EFNA5: variants seen among roughly 807,000 people sequenced by gnomAD.
EFNA5 encodes ephrin-A5.
Under a neutral mutation model 22.9 loss-of-function variants are expected in EFNA5, and 5 were observed. The ratio of observed to expected loss-of-function variants is 0.22; its 90% CI spans 0.11 to 0.46. The LOEUF (loss-of-function observed/expected upper bound fraction) is 0.46, where lower values mean the gene tolerates loss of function less well. Ranked by LOEUF, EFNA5 falls within the 20% of genes least tolerant of loss-of-function variation. EFNA5 has a pLI of 0.99. For synonymous variants in EFNA5, 113 were observed against 112.2 expected (o/e 1.01, Z -0.04); for missense variants, 237 against 293.3 (o/e 0.81, Z 1.40).
At chr5:107,470,294 G>C (rs1225952523) in intron 1 of EFNA5, among the ~76,000 whole-genome samples, 1 of 152,180 alleles carries the variant, frequency 6.6e-6, no homozygotes, top group Non-Finnish European at 1.5e-5. Context: ...GATCCTGATA[G>C]GGCTTATCTG....
chr5:107,600,420 A>G (rs1247370314), intron 1 of EFNA5, among the ~76,000 whole-genome samples: 1 of 152,130 alleles, frequency 6.6e-6, no homozygotes, highest in Non-Finnish European at 1.5e-5. Flanking sequence ...TTACAACCTA[A>G]TATACTGTGG....
chr5:107,594,943 G>A (rs368127012), intron 1 of EFNA5, among the ~76,000 whole-genome samples: 20 of 152,268 alleles, frequency 1.3e-4, no homozygotes, highest in African/African-American at 4.6e-4. Flanking sequence ...CTAAGTGGGT[G>A]TGCCACTTTT....
intron 1 of EFNA5, among the ~76,000 whole-genome samples, chr5:107,635,954 T>G (rs1750365032): frequency 6.6e-6 from 1 of 152,206 alleles, no homozygotes; most frequent in Non-Finnish European, 1.5e-5. Context: ...AAAATATTAT[T>G]AAAGCATCAA....
chr5:107,653,211 C>T (rs976993270), intron 1 of EFNA5, among the ~76,000 whole-genome samples: 1 of 152,104 alleles, frequency 6.6e-6, no homozygotes, highest in Non-Finnish European at 1.5e-5. Flanking sequence ...AAAGGTTTCA[C>T]TCAGAAATGG....
At chr5:107,648,132 CTTACT>C (rs556442998) in intron 1 of EFNA5, among the ~76,000 whole-genome samples, 268 of 152,236 alleles carry the variant, frequency 1.8e-3, no homozygotes, top group African/African-American at 6.2e-3. Context: ...CATCTTGGAA[CTTACT>C]TTAAAGAACC....
chr5:107,643,257 G>T (rs1750564349), intron 1 of EFNA5, among the ~76,000 whole-genome samples: 1 of 152,158 alleles, frequency 6.6e-6, no homozygotes, highest in South Asian at 2.1e-4. Context: ...TAGGGGTTCT[G>T]ATAAGCACTG....
In EFNA5 at chr5:107,661,148, A is replaced by G. The variant is rs1315084734; in HGVS notation, c.125+9341T>C. On this transcript the variant is annotated intron_variant, in intron 1 of 4. Coordinates refer to ENST00000333274, the MANE Select transcript of EFNA5 (RefSeq NM_001962.3). ...AAAAAAGAAGAAGAAGAAGAAGAAA[A>G]AAAAAGTATTAGCTAAATAAAGCAG... 3.3e-5 allele frequency among the ~76,000 whole-genome samples: 5 copies of G among 151,710 alleles called. No individual in the cohort carries two copies. The East Asian group carries it at 7.7e-4, about 23-fold the overall frequency.
chr5:107,554,243 C>G (rs1479018815), intron 1 of EFNA5, among the ~76,000 whole-genome samples: 1 of 152,058 alleles, frequency 6.6e-6, no homozygotes, highest in Non-Finnish European at 1.5e-5. Context: ...TACTTCAAGG[C>G]TAACAAATTA....
intron 4 of EFNA5, among the ~76,000 whole-genome samples, chr5:107,386,328 C>T (rs1016611735): frequency 1.3e-5 from 2 of 152,026 alleles, no homozygotes; most frequent in Admixed American, 6.6e-5. Flanking sequence ...AGGAAACACA[C>T]AGGGCCTCCA....
chr5:107,589,089 C>T (rs1035649459), intron 1 of EFNA5, among the ~76,000 whole-genome samples: 1 of 152,190 alleles, frequency 6.6e-6, no homozygotes, highest in African/African-American at 2.4e-5. Context: ...AGTCTAGAGA[C>T]TTGCCATTTC....
intron 1 of EFNA5, among the ~76,000 whole-genome samples, chr5:107,581,985 A>G (rs548078607): frequency 6.6e-6 from 1 of 152,334 alleles, no homozygotes; most frequent in African/African-American, 2.4e-5. Flanking sequence ...CTATCTCTAC[A>G]AAGAAAGGGA....
Position 107,670,645 on chromosome 5 carries a change from G to T in EFNA5, c.-32C>A. ...TGGCCAGCGGCGGAGCCCCCGACGC[G>T]CCACTCCGGGGAGAGAGCGGGGATC... On this transcript the variant is annotated 5_prime_UTR_variant, in exon 1 of 5. Coordinates refer to ENST00000333274, the MANE Select transcript of EFNA5 (RefSeq NM_001962.3). 6.3e-7 allele frequency: 1 copy of T among 1,593,302 alleles called. No individual in the cohort carries two copies. Among genetic ancestry groups the T allele is most frequent in the Non-Finnish European group, 8.5e-7 (1 of 1,170,666 alleles).
At chr5:107,562,359 T>C (rs1348566822) in intron 1 of EFNA5, among the ~76,000 whole-genome samples, 1 of 151,056 alleles carries the variant, frequency 6.6e-6, no homozygotes, top group Non-Finnish European at 1.5e-5. Context: ...TCTCTCTCCA[T>C]CTCTCTCTCT....
chr5:107,637,518 C>G (rs11242643), intron 1 of EFNA5, among the ~76,000 whole-genome samples: 89,693 of 142,982 alleles, frequency 0.63, 28,327 homozygotes, highest in Non-Finnish European at 0.72. Flanking sequence ...GTGTGTGTGT[C>G]TGTGTGTGTG....
In EFNA5 at chr5:107,381,330, C is replaced by T. The variant is rs752174531; in HGVS notation, c.612G>A (p.Ala204=). The T allele has an allele frequency of 3.1e-6, 5 of 1,613,944 alleles. No homozygotes were observed. Among genetic ancestry groups the T allele is most frequent in the Admixed American group, 1.7e-5 (1 of 60,024 alleles). The change falls in exon 5 of 5, where the codon GCG becomes GCA. Residue 204 remains alanine (A), a synonymous_variant. Coordinates refer to ENST00000333274, the MANE Select transcript of EFNA5 (RefSeq NM_001962.3). ...ESAEPSRGEN[A]AQTPRIPSRL... ...GGCTGGGTATCCTTGGTGTTTGTGC[C>T]GCGTTCTCGCCGCGGGATGGCTCGG...
intron 1 of EFNA5, among the ~76,000 whole-genome samples, chr5:107,450,455 C>A (rs144377524): frequency 1.2e-4 from 18 of 152,310 alleles, no homozygotes; most frequent in African/African-American, 4.3e-4. Flanking sequence ...CTAATATTTT[C>A]TCCTCCTAGT....
chr5:107,389,566 T>C (rs1016281543), intron 2 of EFNA5, among the ~76,000 whole-genome samples: 2 of 152,188 alleles, frequency 1.3e-5, no homozygotes, highest in African/African-American at 4.8e-5. Flanking sequence ...TACTGCTAGA[T>C]AAACAGGCTG....
chr5:107,536,447 A>T (rs1747930686), intron 1 of EFNA5, among the ~76,000 whole-genome samples: 1 of 152,232 alleles, frequency 6.6e-6, no homozygotes, highest in Non-Finnish European at 1.5e-5. Context: ...TCCTACCATA[A>T]GTCACTCAAC....
intron 1 of EFNA5, among the ~76,000 whole-genome samples, chr5:107,619,179 C>A (rs1749985675): frequency 6.6e-6 from 1 of 151,918 alleles, no homozygotes; most frequent in Admixed American, 6.6e-5. Flanking sequence ...CCCACCTCGG[C>A]CTCCCAAAGT....
Sources: allele counts gnomAD v4.1 joint callset (sites outside exome capture counted in the v4.1 genomes callset), GRCh38; gene constraint gnomAD v4.1.1; transcripts MANE v1.5; gene names NCBI Gene and HGNC (gene_info 2026-07-23, HGNC 2026-07-21).